Variants in XKR3 observed in about 807,000 individuals in gnomAD.
The protein encoded by XKR3 is XK related 3.
XKR3 carries 27 observed loss-of-function variants against 40.3 expected under a neutral mutation model. That is an observed-to-expected ratio of 0.67 (90% CI 0.49 to 0.92). XKR3 has a LOEUF of 0.92. Among genes scored for constraint, XKR3 ranks in the 40% least tolerant of loss-of-function variants. The pLI is 0.00. For synonymous variants in XKR3, 193 were observed against 195.4 expected, an observed-to-expected ratio of 0.99 and a Z score of 0.10; for missense variants, 472 against 537.6, an observed-to-expected ratio of 0.88 and a Z score of 1.21.
intron 1 of XKR3, among the ~76,000 whole-genome samples, chr22:16,820,166 T>G (rs1389500514): frequency 6.6e-6 from 1 of 152,164 alleles, no homozygotes; most frequent in Non-Finnish European, 1.5e-5. Context: ...GCAGTTATCC[T>G]ACAGAAAATA....
At chr22:16,797,625 T>C (rs1447975366) in intron 3 of XKR3, among the ~76,000 whole-genome samples, 1 of 151,398 alleles carries the variant, frequency 6.6e-6, no homozygotes, top group Non-Finnish European at 1.5e-5. Context: ...ACCCCGTCTC[T>C]ACTAAAAATA....
At chr22:16,797,951 A>G (rs2060149507) in intron 3 of XKR3, among the ~76,000 whole-genome samples, 1 of 151,996 alleles carries the variant, frequency 6.6e-6, no homozygotes, top group East Asian at 1.9e-4. Context: ...AGGTGGGTGG[A>G]TAACCTGAGG....
chr22:16,791,676 TA>T (rs1162478352), intron 3 of XKR3, among the ~76,000 whole-genome samples: 2,238 of 130,254 alleles, frequency 0.017, 33 homozygotes, highest in African/African-American at 0.039. Context: ...CCTGTCGATG[TA>T]AAAAAAAAAT....
intron 3 of XKR3, among the ~76,000 whole-genome samples, chr22:16,795,689 G>T (rs1340638222): frequency 6.6e-6 from 1 of 152,054 alleles, no homozygotes; most frequent in Non-Finnish European, 1.5e-5. Flanking sequence ...AAAAAAGGCT[G>T]CGTATGATGA....
At position 16,799,835 on chromosome 22, in the gene XKR3, A is replaced by G; in HGVS notation, c.525T>C (p.Ser175=). 1 of 1,614,172 alleles carries G rather than the reference A, an allele frequency of 6.2e-7. No homozygotes were observed. The highest frequency in any genetic ancestry group is 8.5e-7 in the Non-Finnish European group (1 of 1,180,012). ...ACATCTGCAAAATTAATTGTGGAAC[A>G]GAACCGAGAAAAGCCTGAATCACTG... ...YMSVIQAFLG[S]VPQLILQMYI... Residue 175 remains serine, a synonymous_variant, in exon 3 of 4, where the codon TCT becomes TCC. Transcript: ENST00000684488.
chr22:16,818,066 A>G (rs1440580551), intron 1 of XKR3, among the ~76,000 whole-genome samples: 1 of 152,086 alleles, frequency 6.6e-6, no homozygotes, highest in Non-Finnish European at 1.5e-5. Flanking sequence ...GCTTTTTCAC[A>G]TATATTATAA....
chr22:16,822,241 T>C (rs906181684), intron 1 of XKR3, among the ~76,000 whole-genome samples: 48 of 152,284 alleles, frequency 3.2e-4, no homozygotes, highest in Non-Finnish European at 1.5e-4. Context: ...CATGTTATTT[T>C]AGTGTTTTAA....
intron 1 of XKR3, chr22:16,821,486 T>C (rs142004608): frequency 7.8e-4 from 118 of 152,228 alleles, no homozygotes; most frequent in Non-Finnish European, 1.2e-3. Context: ...GAATTTGCTT[T>C]CCAGGTATAT....
At chr22:16,815,023 T>G (rs2060227425) in intron 1 of XKR3, among the ~76,000 whole-genome samples, 1 of 152,006 alleles carries the variant, frequency 6.6e-6, no homozygotes. Context: ...GTGGACATCC[T>G]AGCCTTATTC....
At chr22:16,784,920 T>C (rs1174894167) in intron 3 of XKR3, among the ~76,000 whole-genome samples, 1 of 152,204 alleles carries the variant, frequency 6.6e-6, no homozygotes, top group Non-Finnish European at 1.5e-5. Context: ...AGAAATAAGC[T>C]GTGGAGTTAA....
intron 1 of XKR3, among the ~76,000 whole-genome samples, chr22:16,820,908 T>A (rs1395462716): frequency 6.6e-6 from 1 of 152,164 alleles, no homozygotes. Flanking sequence ...AAGTTATAAC[T>A]CCTTCATGAA....
In XKR3 at chr22:16,802,974, T is replaced by TAAAACCTTGTGG. The variant is rs1286878514; in HGVS notation, c.336-2962_336-2951dup. On this transcript the variant is annotated intron_variant, in intron 2 of 3. Transcript: ENST00000684488. ...AGTTGGCCATGAAAGTAAGACTTTC[T>TAAAACCTTGTGG]AAAACCTTGTGGAGATCGTGGAGAG... 9.2e-5 allele frequency among the ~76,000 whole-genome samples: 14 copies of TAAAACCTTGTGG among 152,220 alleles called. No individual in the cohort carries two copies. In the South Asian group the frequency reaches 2.5e-3, roughly 27 times the overall value.
chr22:16,787,893 G>C (rs1290149792), intron 3 of XKR3, among the ~76,000 whole-genome samples: 2 of 151,972 alleles, frequency 1.3e-5, no homozygotes, highest in Non-Finnish European at 2.9e-5. Flanking sequence ...GGTACTAATA[G>C]AAAACTTCAG....
intron 1 of XKR3, among the ~76,000 whole-genome samples, chr22:16,818,918 A>C (rs2060244755): frequency 6.6e-6 from 1 of 152,112 alleles, no homozygotes. Context: ...GGAGTTAAGC[A>C]TCTACCACCA....
intron 3 of XKR3, among the ~76,000 whole-genome samples, chr22:16,792,736 C>T (rs1019177542): frequency 1.2e-4 from 18 of 152,232 alleles, no homozygotes; most frequent in Admixed American, 3.3e-4. Context: ...CAAATGACAT[C>T]TTTGTAATAA....
At chr22:16,814,501 T>A (rs1601850609) in intron 1 of XKR3, among the ~76,000 whole-genome samples, 1 of 152,176 alleles carries the variant, frequency 6.6e-6, no homozygotes, top group East Asian at 1.9e-4. Flanking sequence ...GCCATAGCTA[T>A]TTTTATAAAG....
chr22:16,785,894 C>G (rs1288062184), intron 3 of XKR3, among the ~76,000 whole-genome samples: 6 of 152,056 alleles, frequency 3.9e-5, no homozygotes, highest in Non-Finnish European at 7.4e-5. Flanking sequence ...ACTCTTCATA[C>G]ACAATGAACT....
chr22:16,810,914 A>G (rs2060209767), intron 1 of XKR3, among the ~76,000 whole-genome samples: 1 of 152,192 alleles, frequency 6.6e-6, no homozygotes, highest in South Asian at 2.1e-4. Flanking sequence ...CTTTGAGTTT[A>G]TATTATGCAC....
At position 16,786,412 on chromosome 22, in the gene XKR3, C is replaced by T. The variant is rs1417987556; in HGVS notation, c.590-2003G>A. Among the ~76,000 whole-genome samples the T allele has an allele frequency of 1.4e-4, 21 of 152,248 alleles. No homozygotes were observed. The East Asian group carries it at 3.9e-3, about 28-fold the overall frequency. On this transcript the variant is annotated intron_variant, in intron 3 of 3. Coordinates refer to ENST00000684488, the MANE Select transcript of XKR3 (RefSeq NM_001386955.1). Reference sequence around the variant, plus strand: ...GGTCTTTATTTTTCTGTGCCTTCACCCCAGCACTTTGGGAGGATGATATCA... The same window carrying T: ...GGTCTTTATTTTTCTGTGCCTTCACTCCAGCACTTTGGGAGGATGATATCA...
Sources: gnomAD v4.1 joint callset for allele counts (sites outside exome capture counted in the v4.1 genomes callset) on GRCh38, gnomAD v4.1.1 for gene constraint, MANE v1.5 for transcripts, NCBI Gene and HGNC (gene_info 2026-07-23, HGNC 2026-07-21) for gene names.